Variants in DLGAP2 observed in about 807,000 individuals in gnomAD.
The protein encoded by DLGAP2 is DLG associated protein 2.
DLGAP2 carries 26 observed loss-of-function variants against 100.3 expected under a neutral mutation model. The ratio of observed to expected loss-of-function variants is 0.26; its 90% CI spans 0.19 to 0.36. The LOEUF (loss-of-function observed/expected upper bound fraction) is 0.36. Ranked by LOEUF, DLGAP2 falls within the 10% of genes least tolerant of loss-of-function variation. The probability of loss-of-function intolerance (pLI) is 1.00; values close to 1 mark genes in which losing one functional copy is unlikely to be tolerated. For missense variants in DLGAP2, 1,858 were observed against 1,453.2 expected, an observed-to-expected ratio of 1.28 and a Z score of -4.53; for synonymous variants, 886 against 630.1, an observed-to-expected ratio of 1.41 and a Z score of -6.08.
chr8:1,640,775 C>T (rs1475642761), intron 8 of DLGAP2, among the ~76,000 whole-genome samples: 5 of 152,194 alleles, frequency 3.3e-5, no homozygotes, highest in African/African-American at 1.2e-4. Context: ...TGGCCCGCCC[C>T]CCCGCATCTA....
chr8:1,167,180 T>A (rs10104676), intron 2 of DLGAP2, among the ~76,000 whole-genome samples: 3 of 151,644 alleles, frequency 2.0e-5, no homozygotes, highest in African/African-American at 4.8e-5. Context: ...GCCTCCTGAC[T>A]TACATGACCG....
chr8:816,910 T>C (rs1483685497), intron 1 of DLGAP2, among the ~76,000 whole-genome samples: 2 of 152,234 alleles, frequency 1.3e-5, no homozygotes, highest in African/African-American at 2.4e-5. Flanking sequence ...TTTGTTCATA[T>C]TGAGTGGATC....
intron 1 of DLGAP2, among the ~76,000 whole-genome samples, chr8:889,326 A>G (rs1297176481): frequency 6.6e-6 from 1 of 152,118 alleles, no homozygotes; most frequent in Non-Finnish European, 1.5e-5. Context: ...CCCTTGGTGG[A>G]GAGGGTGTGT....
At chr8:1,152,063 T>A (rs1796707210) in intron 2 of DLGAP2, among the ~76,000 whole-genome samples, 1 of 152,224 alleles carries the variant, frequency 6.6e-6, no homozygotes, top group Admixed American at 6.5e-5. Flanking sequence ...GACAACTATA[T>A]TCCATTTTAG....
chr8:1,556,547 G>C (rs999565507), intron 5 of DLGAP2, among the ~76,000 whole-genome samples: 1 of 152,198 alleles, frequency 6.6e-6, no homozygotes, highest in Non-Finnish European at 1.5e-5. Flanking sequence ...CTCAGACTTG[G>C]TGGTCCACAT....
chr8:759,882 G>C (rs909490338), intron 1 of DLGAP2, among the ~76,000 whole-genome samples: 1 of 152,100 alleles, frequency 6.6e-6, no homozygotes, highest in Non-Finnish European at 1.5e-5. Context: ...GTCAACTCTA[G>C]GCAGTGTCAG....
Position 800,306 on chromosome 8 carries a change from A to G in DLGAP2, c.18+62481A>G, listed in dbSNP as rs576301885. On this transcript the variant is annotated intron_variant, in intron 1 of 14. Coordinates refer to ENST00000637795, the MANE Select transcript of DLGAP2 (RefSeq NM_001346810.2). ...GTGTTTTCTTTAAAGATTAGAGGGC[A>G]AATGCTGGAGAGGCCTAGTGAGGCA... Among the ~76,000 whole-genome samples, 5 of 152,356 alleles carry G rather than the reference A, an allele frequency of 3.3e-5. No individual in the cohort carries two copies. The South Asian group carries it at 1.0e-3, about 32-fold the overall frequency.
At chr8:1,190,434 TCTGCTGTTGG>T (rs1797607838) in intron 2 of DLGAP2, among the ~76,000 whole-genome samples, 1 of 116,514 alleles carries the variant, frequency 8.6e-6, no homozygotes, top group Admixed American at 8.5e-5. Flanking sequence ...TGTTGGGGCA[TCTGCTGTTGG>T]AGTCGCTCCC....
At chr8:1,032,975 C>T (rs1353680153) in intron 2 of DLGAP2, 1 of 152,260 alleles carries the variant, frequency 6.6e-6, no homozygotes, top group African/African-American at 2.4e-5. Context: ...TGTTCAGATA[C>T]CCAAAGGGTG....
rs373996469 is a variant in DLGAP2, at chr8:1,118,125, G to A, written c.74-140726G>A. Among the ~76,000 whole-genome samples the A allele has an allele frequency of 8.5e-5, 13 of 152,288 alleles. No individual in the cohort carries two copies. The East Asian group carries it at 2.1e-3, about 25-fold the overall frequency. On this transcript the variant is annotated intron_variant, in intron 2 of 14. Transcript: ENST00000637795. ...CATGTCAGTTGACAGAGGAGCGGGCGGAGTGGGGAAATTAACCGCAGTTCA... is the reference window on the plus strand; with the variant it reads ...CATGTCAGTTGACAGAGGAGCGGGCAGAGTGGGGAAATTAACCGCAGTTCA...
intron 2 of DLGAP2, among the ~76,000 whole-genome samples, chr8:1,152,800 A>T (rs1332350111): frequency 6.6e-6 from 1 of 152,156 alleles, no homozygotes; most frequent in African/African-American, 2.4e-5. Flanking sequence ...AACCTACATC[A>T]CATTTTGCCT....
At chr8:1,326,557 G>T (rs1032512130) in intron 3 of DLGAP2, among the ~76,000 whole-genome samples, 1 of 151,454 alleles carries the variant, frequency 6.6e-6, no homozygotes, top group Non-Finnish European at 1.5e-5. Context: ...GACATGGCAC[G>T]CACTCGGTCT....
intron 2 of DLGAP2, among the ~76,000 whole-genome samples, chr8:925,901 A>C (rs1389196345): frequency 6.6e-6 from 1 of 152,112 alleles, no homozygotes; most frequent in African/African-American, 2.4e-5. Flanking sequence ...TTAATTAATT[A>C]ATTCAGGGTT....
intron 4 of DLGAP2, among the ~76,000 whole-genome samples, chr8:1,515,958 A>G (rs1800358100): frequency 6.6e-6 from 1 of 152,256 alleles, no homozygotes; most frequent in South Asian, 2.1e-4. Flanking sequence ...GGAATGATCG[A>G]GTGAGTGAAT....
At chr8:910,198 A>G (rs1006463587) in intron 2 of DLGAP2, among the ~76,000 whole-genome samples, 1 of 152,236 alleles carries the variant, frequency 6.6e-6, no homozygotes, top group South Asian at 2.1e-4. Context: ...CTTGACCACA[A>G]TTAGAAAGAA....
At chr8:741,662 T>C (rs1820489041) in intron 1 of DLGAP2, among the ~76,000 whole-genome samples, 1 of 152,208 alleles carries the variant, frequency 6.6e-6, no homozygotes, top group South Asian at 2.1e-4. Context: ...TACTGCAGAC[T>C]CCAGTGTATT....
chr8:1,085,092 A>T (rs1803931541), intron 2 of DLGAP2, among the ~76,000 whole-genome samples: 1 of 152,226 alleles, frequency 6.6e-6, no homozygotes, highest in Non-Finnish European at 1.5e-5. Context: ...TTTGATATTG[A>T]CTGGCATCTC....
chr8:1,222,694 G>A (rs1563262577), intron 2 of DLGAP2, among the ~76,000 whole-genome samples: 1 of 152,134 alleles, frequency 6.6e-6, no homozygotes, highest in Non-Finnish European at 1.5e-5. Flanking sequence ...GTGGGTGGGT[G>A]TGCACTGGTG....
chr8:1,191,241 G>A lies in DLGAP2; in HGVS notation c.74-67610G>A, dbSNP rs556381941. On this transcript the variant is annotated intron_variant, in intron 2 of 14. Transcript: ENST00000637795. ...GGCTGGAGTACAGTGGCGCGATCTCGGCTCACTGCAGCTCCACCTCCCGGG... is the reference window on the plus strand; with the variant it reads ...GGCTGGAGTACAGTGGCGCGATCTCAGCTCACTGCAGCTCCACCTCCCGGG... Among the ~76,000 whole-genome samples, 80 of 56,264 alleles carry A rather than the reference G, an allele frequency of 1.4e-3. 1 individual carries two copies. The highest frequency in any genetic ancestry group is 3.2e-3 in the Non-Finnish European group (64 of 20,210). 36.9% of individuals were successfully genotyped at this position (56,264 alleles called of 152,430 possible).
Sources: gnomAD v4.1 joint callset for allele counts (sites outside exome capture counted in the v4.1 genomes callset) on GRCh38, gnomAD v4.1.1 for gene constraint, MANE v1.5 for transcripts, NCBI Gene and HGNC (gene_info 2026-07-23, HGNC 2026-07-21) for gene names.